The following NIPSNAP2 variants were observed in gnomAD, a reference collection of about 807,000 sequenced individuals.
The protein encoded by NIPSNAP2 is nipsnap homolog 2.
In NIPSNAP2, 42 loss-of-function variants were observed where a neutral mutation model predicts 48.4. The observed-to-expected ratio is 0.87, with a 90% CI of 0.68 to 1.12. The LOEUF is 1.12. Among genes scored for constraint, NIPSNAP2 ranks in the 50% most tolerant of loss-of-function variants. The pLI, the probability that NIPSNAP2 is intolerant of heterozygous loss-of-function variation, is 0.00. For synonymous variants in NIPSNAP2, 158 were observed against 126.6 expected, an observed-to-expected ratio of 1.25 and a Z score of -1.67; for missense variants, 314 against 347.3, an observed-to-expected ratio of 0.90 and a Z score of 0.76.
intron 1 of NIPSNAP2, among the ~76,000 whole-genome samples, chr7:55,977,890 C>T (rs1017874896): frequency 6.6e-6 from 1 of 152,130 alleles, no homozygotes; most frequent in African/African-American, 2.4e-5. Context: ...CTTTGAAAAA[C>T]ACATAGTGCA....
chr7:55,996,464 A>G (rs1302378829), intron 8 of NIPSNAP2, among the ~76,000 whole-genome samples: 2 of 151,884 alleles, frequency 1.3e-5, no homozygotes, highest in African/African-American at 4.8e-5. Context: ...CAGCTCTCCC[A>G]TTGCTTGCCC....
chr7:55,991,190 T>C (rs569958314), intron 7 of NIPSNAP2, among the ~76,000 whole-genome samples: 5 of 152,340 alleles, frequency 3.3e-5, no homozygotes, highest in African/African-American at 9.6e-5. Flanking sequence ...GATCTTTATT[T>C]CTAATGAACC....
chr7:55,985,425 C>T (rs4948096), intron 7 of NIPSNAP2, among the ~76,000 whole-genome samples: 108,300 of 151,842 alleles, frequency 0.71, 39,014 homozygotes, highest in Non-Finnish European at 0.76. Flanking sequence ...TATCAAACTC[C>T]CAGCAGGCTT....
intron 8 of NIPSNAP2, among the ~76,000 whole-genome samples, chr7:55,995,856 C>T (rs1787551939): frequency 1.3e-5 from 2 of 152,070 alleles, no homozygotes; most frequent in African/African-American, 4.8e-5. Context: ...CGGGAGGACT[C>T]AAGGCTTCAC....
At chr7:55,987,911 C>T (rs1057069336) in intron 7 of NIPSNAP2, among the ~76,000 whole-genome samples, 4 of 152,044 alleles carry the variant, frequency 2.6e-5, no homozygotes, top group African/African-American at 9.7e-5. Flanking sequence ...CTGGACACTG[C>T]ATAAAAATGG....
intron 3 of NIPSNAP2, chr7:55,981,216 T>G (rs1787209412): frequency 4.5e-6 from 1 of 223,526 alleles, no homozygotes; most frequent in African/African-American, 2.3e-5. Context: ...TGGTTTTTCT[T>G]TATCATCATT....
chr7:55,964,831 G>A (rs1378018139), intron 1 of NIPSNAP2, 130 bp downstream of exon 1: 22 of 296,756 alleles, frequency 7.4e-5, no homozygotes, highest in Non-Finnish European at 8.0e-5. Flanking sequence ...CCTCGGGGCA[G>A]TGGGGCCGGA....
chr7:55,980,651 T>C (rs1030212343), intron 3 of NIPSNAP2: 4 of 152,164 alleles, frequency 2.6e-5, no homozygotes, highest in Non-Finnish European at 5.9e-5. Flanking sequence ...ATCTATACCA[T>C]AGGAAAGCTT....
At chr7:55,995,056 G>T in intron 8 of NIPSNAP2, 68 bp downstream of exon 8, 3 of 1,307,888 alleles carry the variant, frequency 2.3e-6, no homozygotes, top group Non-Finnish European at 3.3e-6. Flanking sequence ...CTGGGAAGTA[G>T]AGCACATCTT....
intron 5 of NIPSNAP2, 86 bp downstream of exon 5, chr7:55,982,366 G>A (rs1787232455): frequency 1.3e-6 from 1 of 790,892 alleles, no homozygotes; most frequent in Non-Finnish European, 2.0e-6. Context: ...TTCAGTTTTT[G>A]TTAATAAACT....
At chr7:55,993,697 G>A (rs1429532831) in intron 7 of NIPSNAP2, among the ~76,000 whole-genome samples, 3 of 151,668 alleles carry the variant, frequency 2.0e-5, no homozygotes, top group Non-Finnish European at 4.4e-5. Context: ...CTGAGATCAC[G>A]CCGCTGCACT....
At chr7:55,966,083 A>AG (rs1786887716) in intron 1 of NIPSNAP2, among the ~76,000 whole-genome samples, 1 of 152,196 alleles carries the variant, frequency 6.6e-6, no homozygotes, top group Non-Finnish European at 1.5e-5. Context: ...GGAGCTTACC[A>AG]GTAATTCAGG....
chr7:55,982,645 G>A (rs111482607), intron 5 of NIPSNAP2, among the ~76,000 whole-genome samples: 1 of 151,886 alleles, frequency 6.6e-6, no homozygotes, highest in Admixed American at 6.6e-5. Flanking sequence ...CCAGCTACTC[G>A]GGAGGCTGAA....
chr7:55,973,954 G>T (rs1199617589), intron 1 of NIPSNAP2, among the ~76,000 whole-genome samples: 1 of 152,118 alleles, frequency 6.6e-6, no homozygotes, highest in Non-Finnish European at 1.5e-5. Context: ...GCTGAGTGCG[G>T]CAGCTCACCC....
chr7:55,975,902 G>A (rs768652652), intron 1 of NIPSNAP2, among the ~76,000 whole-genome samples: 2 of 152,088 alleles, frequency 1.3e-5, no homozygotes, highest in Non-Finnish European at 2.9e-5. Flanking sequence ...GCCGTGCACG[G>A]TGGCACACCA....
chr7:55,992,332 A>G (rs895343597), intron 7 of NIPSNAP2, among the ~76,000 whole-genome samples: 1 of 152,098 alleles, frequency 6.6e-6, no homozygotes, highest in Non-Finnish European at 1.5e-5. Flanking sequence ...CATAATAAAA[A>G]ATAAAAAATT....
At chr7:55,988,640 C>T (rs1412836014) in intron 7 of NIPSNAP2, among the ~76,000 whole-genome samples, 1 of 152,090 alleles carries the variant, frequency 6.6e-6, no homozygotes, top group African/African-American at 2.4e-5. Flanking sequence ...GCGCGGATCA[C>T]CTGAGGTCAA....
chr7:55,986,870 G>A (rs776433488), intron 7 of NIPSNAP2, among the ~76,000 whole-genome samples: 3 of 151,554 alleles, frequency 2.0e-5, no homozygotes, highest in Admixed American at 1.3e-4. Context: ...ACAGCAGCTG[G>A]GTGTGGTGGC....
In NIPSNAP2 at chr7:55,964,676, C is replaced by T; in HGVS notation, c.67C>T (p.Pro23Ser). 2 of 1,121,940 alleles carry T rather than the reference C, an allele frequency of 1.8e-6. No individual in the cohort carries two copies. Among genetic ancestry groups the T allele is most frequent in the Non-Finnish European group, 2.2e-6 (2 of 917,794 alleles). 69.5% of individuals were successfully genotyped at this position (1,121,940 alleles called of 1,614,324 possible). A position where few individuals can be genotyped will look rare whatever the true frequency, so the allele number is the denominator to read the frequency against. Residue 23 changes from proline to serine, a missense_variant, in exon 1 of 10, where the codon CCC becomes TCC. By Grantham distance (74) the Pro-to-Ser change is moderately conservative (BLOSUM62 -1). Transcript: ENST00000322090. ...CGGCGGCCTCCTGCAGCGGGCGGCCCCCTGCAGCCTCCTGCCCAGGCTCCG... is the reference window on the plus strand; with the variant it reads ...CGGCGGCCTCCTGCAGCGGGCGGCCTCCTGCAGCCTCCTGCCCAGGCTCCG... ...WAGGLLQRAA[P>S]CSLLPRLRTW...
Sources: gnomAD v4.1 joint callset for allele counts (sites outside exome capture counted in the v4.1 genomes callset) on GRCh38, gnomAD v4.1.1 for gene constraint, MANE v1.5 for transcripts, NCBI Gene and HGNC (gene_info 2026-07-23, HGNC 2026-07-21) for gene names.